The following N4BP2 variants were observed in gnomAD, a reference collection of about 807,000 sequenced individuals.
N4BP2 encodes NEDD4 binding protein 2, also known as NEDD4-binding protein 2.
In N4BP2, 91 loss-of-function variants were observed where a neutral mutation model predicts 152.8. The ratio of observed to expected loss-of-function variants is 0.60; its 90% CI spans 0.50 to 0.71. N4BP2 has a LOEUF of 0.71. N4BP2 is among the 30% of genes least tolerant of loss of function. The pLI is 0.00. For missense variants in N4BP2, 1,923 were observed against 2,059.1 expected, an observed-to-expected ratio of 0.93 and a Z score of 1.28; for synonymous variants, 646 against 705.3, an observed-to-expected ratio of 0.92 and a Z score of 1.33.
chr4:40,151,233 T>C (rs980641134), intron 16 of N4BP2, among the ~76,000 whole-genome samples: 1 of 151,746 alleles, frequency 6.6e-6, no homozygotes, highest in Non-Finnish European at 1.5e-5. Context: ...TAGTGAAGAG[T>C]GTGAGTTATG....
At chr4:40,179,676 A>G in the N4BP2 span, among the ~76,000 whole-genome samples, 1 of 151,724 alleles carries the variant, frequency 6.6e-6, no homozygotes, top group Non-Finnish European at 1.5e-5. Context: ...TAACCATTAT[A>G]TTATTGCAAT....
In N4BP2 at chr4:40,078,549, G is replaced by A. The variant is rs1340258143; in HGVS notation, c.-115+4998G>A. Among the ~76,000 whole-genome samples, 5 of 150,542 alleles carry A rather than the reference G, an allele frequency of 3.3e-5. No homozygotes were observed. In the East Asian group the frequency reaches 9.8e-4, roughly 30 times the overall value. ...TTTTTTACTTTTTTTCTTTGAGTCA[G>A]GGTCTCGCTTTATCGCCCAGGCTGG... On this transcript the variant is annotated intron_variant, in intron 2 of 17. Transcript: ENST00000261435.
downstream of N4BP2, among the ~76,000 whole-genome samples, chr4:40,161,406 C>T (rs1352095753): frequency 6.6e-6 from 1 of 152,092 alleles, no homozygotes; most frequent in Non-Finnish European, 1.5e-5. Context: ...AAAATAAAAC[C>T]ACACAGGTGG....
chr4:40,131,913 A>G lies in N4BP2; in HGVS notation c.4640A>G (p.Asp1547Gly), dbSNP rs1453943880. ...NQNFLVDIFK[D>G]HNYSLEHTVQ... ...AATTTTCTGGTGGACATTTTCAAGG[A>G]CCACAAGTGAGTGCTAGAAGGATTG... Residue 1547 changes from aspartate to glycine, a missense_variant, in exon 13 of 18, where the codon GAC becomes GGC. Coordinates refer to ENST00000261435, the MANE Select transcript of N4BP2 (RefSeq NM_018177.6). The G allele has an allele frequency of 1.3e-6, 2 of 1,567,232 alleles. No individual in the cohort carries two copies. Among genetic ancestry groups the G allele is most frequent in the Admixed American group, 1.7e-5 (1 of 59,924 alleles).
At chr4:40,160,983 C>T (rs1272894122), downstream of N4BP2, among the ~76,000 whole-genome samples, 3 of 152,134 alleles carry the variant, frequency 2.0e-5, no homozygotes, top group African/African-American at 7.2e-5. Context: ...AAAACAATTT[C>T]GCCCTCCTTC....
the N4BP2 span, among the ~76,000 whole-genome samples, chr4:40,175,641 T>C: frequency 6.6e-6 from 1 of 151,270 alleles, no homozygotes; most frequent in African/African-American, 2.4e-5. Flanking sequence ...GCCCTGTTTC[T>C]ACCAAAAAAT....
intron 2 of N4BP2, among the ~76,000 whole-genome samples, chr4:40,081,235 A>G (rs1713338680): frequency 6.6e-6 from 1 of 152,176 alleles, no homozygotes. Flanking sequence ...ATCACCTATG[A>G]TTCTATTATC....
chr4:40,136,488 G>A (rs1319359186), intron 13 of N4BP2, among the ~76,000 whole-genome samples: 1 of 152,152 alleles, frequency 6.6e-6, no homozygotes, highest in East Asian at 1.9e-4. Flanking sequence ...GGGTTCAAGC[G>A]ATTCTCGTGC....
At position 40,118,810 on chromosome 4, in the gene N4BP2, T is replaced by C. The variant is rs371060554; in HGVS notation, c.1820+786T>C. 3.3e-5 allele frequency among the ~76,000 whole-genome samples: 5 copies of C among 152,306 alleles called. No homozygotes were observed. The South Asian group carries it at 8.3e-4, about 25-fold the overall frequency. ...GTCATGGCCTTCTGACAATTTGCAA[T>C]CCAAGGTAGCACTGATTCTGTTTAG... On this transcript the variant is annotated intron_variant, in intron 8 of 17. Coordinates refer to ENST00000261435, the MANE Select transcript of N4BP2 (RefSeq NM_018177.6).
In N4BP2 at chr4:40,120,332, A is replaced by C. The variant is rs557876501; in HGVS notation, c.2221A>C (p.Asn741His). 1 of 1,612,818 alleles carries C rather than the reference A, an allele frequency of 6.2e-7. No homozygotes were observed. The highest frequency in any genetic ancestry group is 2.2e-5 in the East Asian group (1 of 44,878). ...TAATCAAGAAGACTGTGATCTTGCA[A>C]ATAGTGGACCACTTCAAAATGAAAA... is the stretch of plus-strand genomic sequence containing the variant. ...ENNQEDCDLA[N>H]SGPLQNEKSS... The change falls in exon 9 of 18, where the codon AAT (asparagine) becomes CAT (histidine). Residue 741 changes from asparagine (N) to histidine (H), a missense_variant. Coordinates refer to ENST00000261435, the MANE Select transcript of N4BP2 (RefSeq NM_018177.6).
chr4:40,130,754 A>G (rs1718836407), intron 12 of N4BP2, among the ~76,000 whole-genome samples: 2 of 152,154 alleles, frequency 1.3e-5, no homozygotes, highest in East Asian at 1.9e-4. Flanking sequence ...CTCCTACCTC[A>G]GCTATTGTAA....
At chr4:40,189,985 T>G in the N4BP2 span, among the ~76,000 whole-genome samples, 1 of 152,266 alleles carries the variant, frequency 6.6e-6, no homozygotes, top group East Asian at 1.9e-4. The surrounding 1 kb of genome is among the most constrained non-coding windows in gnomAD (Gnocchi z 4.3). Flanking sequence ...TTTAGGATAT[T>G]TTTTAAAAGA....
At chr4:40,140,228 AG>A (rs1645183444) in intron 14 of N4BP2, among the ~76,000 whole-genome samples, 1 of 152,168 alleles carries the variant, frequency 6.6e-6, no homozygotes, top group Admixed American at 6.5e-5. Context: ...TTTAGGACTT[AG>A]GTAATTTTGA....
At chr4:40,094,918 C>T (rs571261509) in intron 2 of N4BP2, among the ~76,000 whole-genome samples, 9 of 152,068 alleles carry the variant, frequency 5.9e-5, no homozygotes, top group South Asian at 2.1e-4. Flanking sequence ...CTTAGCCTCT[C>T]GAGTAGCCGG....
intron 2 of N4BP2, among the ~76,000 whole-genome samples, chr4:40,090,525 T>A (rs11931647): frequency 0.017 from 2,578 of 152,312 alleles, 90 homozygotes; most frequent in African/African-American, 0.059. Flanking sequence ...TCGGAAACTG[T>A]GATTTTAAGT....
At chr4:40,122,427 G>A (rs553490647) in intron 9 of N4BP2, 118 bp downstream of exon 9, 175 of 578,120 alleles carry the variant, frequency 3.0e-4, no homozygotes, top group African/African-American at 2.7e-3. Context: ...AGGCTGGAGT[G>A]CAGTGCCTCA....
intron 2 of N4BP2, among the ~76,000 whole-genome samples, chr4:40,079,844 C>T (rs985462040): frequency 1.3e-5 from 2 of 151,914 alleles, no homozygotes; most frequent in Non-Finnish European, 2.9e-5. Flanking sequence ...CTCTGCTTAC[C>T]ATGTTGGAAT....
At chr4:40,057,541 T>A (rs1296280411) in intron 1 of N4BP2, among the ~76,000 whole-genome samples, 1 of 152,114 alleles carries the variant, frequency 6.6e-6, no homozygotes, top group African/African-American at 2.4e-5. Context: ...ACTCACACGT[T>A]CGGATTTTGG....
intron 2 of N4BP2, among the ~76,000 whole-genome samples, chr4:40,087,668 G>A (rs1714111344): frequency 6.6e-6 from 1 of 151,606 alleles, no homozygotes; most frequent in South Asian, 2.1e-4. Context: ...CCCACTCCAC[G>A]TGCACCCCGC....
Sources: gnomAD v4.1 joint callset for allele counts (sites outside exome capture counted in the v4.1 genomes callset) on GRCh38, gnomAD v4.1.1 for gene constraint, Gnocchi (gnomAD v3.1) non-coding constraint, MANE v1.5 for transcripts, NCBI Gene and HGNC (gene_info 2026-07-23, HGNC 2026-07-21) for gene names.